Variants in RP1 observed in about 807,000 individuals in gnomAD.
RP1 encodes RP1 axonemal microtubule associated.
Under a neutral mutation model 14.8 loss-of-function variants are expected in RP1, and 16 were observed. The ratio of observed to expected loss-of-function variants is 1.08; its 90% CI spans 0.73 to 1.65. The LOEUF is 1.65. Ranked by LOEUF, RP1 falls within the 40% of genes most tolerant of loss-of-function variation. RP1 has a pLI of 0.00. For missense variants in RP1, 2,631 were observed against 2,535.0 expected, an observed-to-expected ratio of 1.04 and a Z score of -0.81; for synonymous variants, 876 against 883.6, an observed-to-expected ratio of 0.99 and a Z score of 0.15.
At chr8:54,580,411 A>T (rs1804760677) in intron 1 of RP1, among the ~76,000 whole-genome samples, 1 of 139,080 alleles carries the variant, frequency 7.2e-6, no homozygotes, top group Non-Finnish European at 1.5e-5. Context: ...GGTTCAAGTG[A>T]TTCTCCTGCC....
At chr8:54,742,453 G>A (rs2129360252) in intron 19 of RP1, among the ~76,000 whole-genome samples, 1 of 152,156 alleles carries the variant, frequency 6.6e-6, no homozygotes, top group Admixed American at 6.5e-5. Flanking sequence ...GTATTTCTTA[G>A]GACATGCCTA....
intron 4 of RP1, among the ~76,000 whole-genome samples, chr8:54,651,245 A>T (rs1175939097): frequency 6.6e-6 from 1 of 152,140 alleles, no homozygotes; most frequent in Non-Finnish European, 1.5e-5. Context: ...AGTGGTTTAT[A>T]GTTTCCTTGT....
intron 24 of RP1, among the ~76,000 whole-genome samples, chr8:54,788,560 A>AT (rs963551487): frequency 6.6e-6 from 1 of 152,154 alleles, no homozygotes; most frequent in Admixed American, 6.5e-5. Context: ...GGCAGCACTA[A>AT]GCAGTTCCCT....
intron 3 of RP1, among the ~76,000 whole-genome samples, chr8:54,638,247 C>T (rs1433875428): frequency 2.6e-5 from 4 of 151,910 alleles, no homozygotes; most frequent in African/African-American, 4.8e-5. Context: ...AGACGAGCCT[C>T]GGCAACACAG....
At chr8:54,867,072 C>T (rs144470853) in intron 28 of RP1, among the ~76,000 whole-genome samples, 12 of 152,196 alleles carry the variant, frequency 7.9e-5, no homozygotes, top group East Asian at 7.7e-4. Context: ...AGAGATGTAA[C>T]GCTACATGAA....
intron 1 of RP1, among the ~76,000 whole-genome samples, chr8:54,576,367 C>T (rs569794990): frequency 7.9e-5 from 12 of 152,090 alleles, no homozygotes; most frequent in Admixed American, 3.9e-4. Flanking sequence ...ACTCTTAACA[C>T]TGATTAATGC....
chr8:54,632,337 A>T (rs530845666), downstream of RP1, among the ~76,000 whole-genome samples: 38 of 152,328 alleles, frequency 2.5e-4, no homozygotes, highest in African/African-American at 8.9e-4. Context: ...ATTACACCAA[A>T]CAGTGTCCTT....
intron 1 of RP1, chr8:54,560,172 C>T (rs1804253399): frequency 6.6e-6 from 1 of 152,020 alleles, no homozygotes; most frequent in African/African-American, 2.4e-5. Context: ...CCAAGTGCCT[C>T]GGAATTCCTC....
chr8:54,863,322 A>C (rs1438494591), intron 27 of RP1, among the ~76,000 whole-genome samples: 1 of 152,170 alleles, frequency 6.6e-6, no homozygotes, highest in African/African-American at 2.4e-5. Context: ...CTAAGAGTAT[A>C]GGCTGTGCCA....
chr8:54,788,623 TA>T (rs1193035478), intron 24 of RP1, among the ~76,000 whole-genome samples: 5 of 152,240 alleles, frequency 3.3e-5, no homozygotes, highest in African/African-American at 9.6e-5. Context: ...CAATTTAACT[TA>T]AACTTTTTCG....
chr8:54,762,781 G>C (rs553462662), intron 22 of RP1, among the ~76,000 whole-genome samples: 2 of 152,134 alleles, frequency 1.3e-5, no homozygotes, highest in Admixed American at 1.3e-4. Context: ...GTCTCGGAAG[G>C]CCTGGGAAAC....
At chr8:54,568,146 G>A (rs766802687) in intron 1 of RP1, among the ~76,000 whole-genome samples, 1 of 152,094 alleles carries the variant, frequency 6.6e-6, no homozygotes, top group Non-Finnish European at 1.5e-5. Context: ...GGAGGAAAAG[G>A]GGAGAAAAAG....
chr8:54,616,661 A>G (rs756603073), intron 1 of RP1, among the ~76,000 whole-genome samples: 1 of 152,234 alleles, frequency 6.6e-6, no homozygotes, highest in Non-Finnish European at 1.5e-5. Flanking sequence ...TGCAACATCA[A>G]GTCTCTGAAT....
chr8:54,789,852 C>A (rs1296092171), intron 24 of RP1, among the ~76,000 whole-genome samples: 1 of 152,294 alleles, frequency 6.6e-6, no homozygotes, highest in Non-Finnish European at 1.5e-5. Context: ...CACCCAATAA[C>A]CCTGCTGAAC....
chr8:54,860,669 T>C (rs1031091962), intron 27 of RP1, among the ~76,000 whole-genome samples: 26 of 152,138 alleles, frequency 1.7e-4, no homozygotes, highest in Admixed American at 1.3e-4. Flanking sequence ...CCAGGGTTCT[T>C]TGTTGAGGGA....
chr8:54,604,044 G>A (rs113173862), intron 1 of RP1, among the ~76,000 whole-genome samples: 13,442 of 152,104 alleles, frequency 0.088, 1,892 homozygotes, highest in African/African-American at 0.3. Flanking sequence ...TCTCCTGCCT[G>A]ATTGCCCTGG....
chr8:54,663,915 A>G lies in RP1; in HGVS notation c.1323+65A>G, dbSNP rs150782166. The G allele has an allele frequency of 1.1e-5, 15 of 1,358,626 alleles. No individual in the cohort carries two copies. In the Admixed American group the frequency reaches 2.1e-4, roughly 19 times the overall value. 84.2% of individuals were successfully genotyped at this position (1,358,626 alleles called of 1,614,324 possible). A position where few individuals can be genotyped will look rare whatever the true frequency, so the allele number is the denominator to read the frequency against. ...GGTAAAAACACATAAAATAAGATTT[A>G]CTGTTGTAACTATTCTAAGAGTTTT... On this transcript the variant is annotated intron_variant, in intron 7 of 22. Coordinates refer to the RP1 transcript ENST00000636932.
chr8:54,753,424 G>A (rs553108316), intron 19 of RP1, among the ~76,000 whole-genome samples: 6 of 152,258 alleles, frequency 3.9e-5, no homozygotes, highest in Admixed American at 3.9e-4. Context: ...GGCTGCCATG[G>A]ATCACAAAGT....
At chr8:54,709,681 G>C (rs1017076266) in intron 15 of RP1, among the ~76,000 whole-genome samples, 1 of 152,174 alleles carries the variant, frequency 6.6e-6, no homozygotes, top group Admixed American at 6.5e-5. Flanking sequence ...ATAAGGCAGA[G>C]ATTCTCTAGG....
Sources: allele counts gnomAD v4.1 joint callset (sites outside exome capture counted in the v4.1 genomes callset), GRCh38; gene constraint gnomAD v4.1.1; transcripts MANE v1.5; gene names NCBI Gene and HGNC (gene_info 2026-07-23, HGNC 2026-07-21).